Variants in TNRC6B observed in about 807,000 individuals in gnomAD.
The protein encoded by TNRC6B is trinucleotide repeat-containing gene 6B protein.
TNRC6B carries 52 observed loss-of-function variants against 203.6 expected under a neutral mutation model. The observed-to-expected ratio is 0.26, with a 90% CI of 0.20 to 0.32. TNRC6B has a LOEUF of 0.32. TNRC6B is among the 10% of genes least tolerant of loss of function. TNRC6B has a pLI of 1.00. For synonymous variants in TNRC6B, 838 were observed against 845.7 expected (o/e 0.99, Z 0.16); for missense variants, 1,923 against 2,286.2 (o/e 0.84, Z 3.24).
At chr22:40,184,310 A>G (rs941770416) in intron 1 of TNRC6B, among the ~76,000 whole-genome samples, 6 of 152,178 alleles carry the variant, frequency 3.9e-5, no homozygotes, top group Non-Finnish European at 8.8e-5. Context: ...GGGGGTTAAA[A>G]AGGGTGGACA....
intron 1 of TNRC6B, among the ~76,000 whole-genome samples, chr22:40,067,560 T>C (rs1056928015): frequency 1.3e-5 from 2 of 152,094 alleles, no homozygotes; most frequent in Admixed American, 1.3e-4. Flanking sequence ...TCAGCCCAAG[T>C]TGAGAGGCTT....
upstream of TNRC6B, among the ~76,000 whole-genome samples, chr22:40,175,085 G>A (rs899673667): frequency 3.9e-5 from 6 of 152,096 alleles, no homozygotes; most frequent in South Asian, 2.1e-4. Context: ...GTGGCCGGGC[G>A]CAGTGCCTCA....
intron 1 of TNRC6B, among the ~76,000 whole-genome samples, chr22:40,238,020 A>G (rs2069971893): frequency 6.6e-6 from 1 of 152,078 alleles, no homozygotes; most frequent in Non-Finnish European, 1.5e-5. Flanking sequence ...TAGATGATGT[A>G]GTTCGTTGTT....
chr22:40,268,523 C>T (rs2070511582), intron 5 of TNRC6B, among the ~76,000 whole-genome samples: 1 of 152,188 alleles, frequency 6.6e-6, no homozygotes, highest in African/African-American at 2.4e-5. Flanking sequence ...TTCTCACTGG[C>T]TCCCCATGCA....
At chr22:40,142,651 G>A (rs907915437) in intron 3 of TNRC6B, among the ~76,000 whole-genome samples, 2 of 152,070 alleles carry the variant, frequency 1.3e-5, no homozygotes, top group Non-Finnish European at 2.9e-5. Flanking sequence ...AAGCTTCAAA[G>A]GATATTAAAA....
Position 40,281,176 on chromosome 22 carries a change from C to T in TNRC6B, c.3469C>T (p.Pro1157Ser). 2 of 1,551,468 alleles carry T rather than the reference C, an allele frequency of 1.3e-6. No homozygotes were observed. The highest frequency in any genetic ancestry group is 1.4e-5 in the African/African-American group (1 of 73,162). ...GCLGDEAPCS[P>S]FSPSPSYKLS... ...CCTTGGGGATGAGGCTCCCTGCTCT[C>T]CCTTCTCCCCTTCTCCCAGCTACAA... is the stretch of plus-strand genomic sequence containing the variant. Residue 1157 changes from proline to serine, a missense_variant, in exon 11 of 23, where the codon CCC becomes TCC. Around this residue, in one of 8 missense-constraint regions of TNRC6B, gnomAD observed 599 missense variants for 656.5 expected, o/e 0.91. Coordinates refer to ENST00000454349, the MANE Select transcript of TNRC6B (RefSeq NM_001162501.2).
At chr22:40,300,426 TTTTC>T (rs768578152) in intron 12 of TNRC6B, 25 bp from the exon 13 acceptor site, 5 of 1,514,100 alleles carry the variant, frequency 3.3e-6, no homozygotes, top group Non-Finnish European at 4.4e-6. Flanking sequence ...ATTCCTTTTC[TTTTC>T]TTTCTTTTTT....
At chr22:40,275,569 C>T (rs1230310754) in intron 7 of TNRC6B, among the ~76,000 whole-genome samples, 1 of 152,090 alleles carries the variant, frequency 6.6e-6, no homozygotes, top group East Asian at 1.9e-4. Flanking sequence ...ACCATCTATC[C>T]GCAGAACTCT....
In TNRC6B at chr22:40,136,371, T is replaced by TTTGTGTGTGTG. The variant is rs150445100; in HGVS notation, c.45+10510_45+10511insTGTGTGTGTGT. 2.8e-5 allele frequency among the ~76,000 whole-genome samples: 4 copies of TTTGTGTGTGTG among 141,168 alleles called. No homozygotes were observed. In the Admixed American group the frequency reaches 2.9e-4, roughly 10 times the overall value. 92.6% of individuals were successfully genotyped at this position (141,168 alleles called of 152,430 possible). A position where few individuals can be genotyped will look rare whatever the true frequency, so the allele number is the denominator to read the frequency against. Reference sequence around the variant, plus strand: ...CTCTGTACCTTTGTGTATGTTTATCTTGTGTGTGTGTGTGTGTGTGTGTGT... The same window carrying TTTGTGTGTGTG: ...CTCTGTACCTTTGTGTATGTTTATCTTTGTGTGTGTGTGTGTGTGTGTGTGTGTGTGTGTGT... On this transcript the variant is annotated intron_variant, in intron 3 of 23. Transcript: ENST00000301923.
chr22:40,237,501 C>G (rs1166621975), intron 1 of TNRC6B, among the ~76,000 whole-genome samples: 1 of 152,216 alleles, frequency 6.6e-6, no homozygotes, highest in Non-Finnish European at 1.5e-5. Flanking sequence ...GGGAAACTTG[C>G]AGCCACGGTG....
chr22:40,089,391 C>T (rs1263327509), intron 1 of TNRC6B, among the ~76,000 whole-genome samples: 1 of 152,084 alleles, frequency 6.6e-6, no homozygotes, highest in African/African-American at 2.4e-5. Context: ...CACTACCACA[C>T]CCAGCTAATT....
intron 12 of TNRC6B, among the ~76,000 whole-genome samples, chr22:40,293,190 CTTTTTTTTTT>C (rs748230080): frequency 1.3e-5 from 1 of 79,454 alleles, no homozygotes; most frequent in Admixed American, 2.0e-4. Context: ...ATATCCTTTT[CTTTTTTTTTT>C]TTTTTTTTTT....
At chr22:40,143,191 A>C (rs2068659532) in intron 3 of TNRC6B, among the ~76,000 whole-genome samples, 1 of 152,192 alleles carries the variant, frequency 6.6e-6, no homozygotes, top group Non-Finnish European at 1.5e-5. Context: ...GCATTTTGGG[A>C]GGCCGGGGCG....
chr22:40,187,586 G>T (rs1569013084), intron 1 of TNRC6B, among the ~76,000 whole-genome samples: 1 of 152,130 alleles, frequency 6.6e-6, no homozygotes, highest in Admixed American at 6.5e-5. Flanking sequence ...TCAGTGAGGT[G>T]GTGGCTTCAG....
chr22:40,231,931 C>T (rs902435233), intron 1 of TNRC6B, among the ~76,000 whole-genome samples: 17 of 152,156 alleles, frequency 1.1e-4, no homozygotes, highest in African/African-American at 4.1e-4. Context: ...CTTTCCAGAT[C>T]TAAGAAGGGT....
chr22:40,163,290 G>A (rs959845379), intron 4 of TNRC6B, among the ~76,000 whole-genome samples: 3 of 149,320 alleles, frequency 2.0e-5, no homozygotes, highest in East Asian at 2.0e-4. Context: ...GTTGTGTGCC[G>A]GTAGTTCCAG....
Position 40,320,053 on chromosome 22 carries a change from G to A in TNRC6B, c.4975-1037G>A, listed in dbSNP as rs115122811. Among the ~76,000 whole-genome samples, 1,433 of 152,320 alleles carry A rather than the reference G, an allele frequency of 9.4e-3. 21 individuals are homozygous for A. The highest frequency in any genetic ancestry group is 0.033 in the African/African-American group (1,391 of 41,570). ...ATCATTTTCTGCAAAGAACTACAGA[G>A]AAACTGCCTGTTTTCATCCTGCAGG... On this transcript the variant is annotated intron_variant, in intron 21 of 22. Transcript: ENST00000454349.
intron 3 of TNRC6B, among the ~76,000 whole-genome samples, chr22:40,258,824 A>G (rs2070327156): frequency 6.6e-6 from 1 of 152,224 alleles, no homozygotes; most frequent in South Asian, 2.1e-4. Flanking sequence ...AAATTTCTTC[A>G]GTTGAAACAG....
intron 4 of TNRC6B, among the ~76,000 whole-genome samples, chr22:40,165,630 G>T (rs1050919647): frequency 1.3e-5 from 2 of 152,202 alleles, no homozygotes; most frequent in African/African-American, 4.8e-5. Context: ...ATAAAGGAAA[G>T]AAGTTTAATT....
Sources: gnomAD v4.1 joint callset for allele counts (sites outside exome capture counted in the v4.1 genomes callset) on GRCh38, gnomAD v4.1.1 for gene constraint, gnomAD v4.1.1 regional missense constraint, MANE v1.5 for transcripts, NCBI Gene and HGNC (gene_info 2026-07-23, HGNC 2026-07-21) for gene names.